PLBD2: variants seen among roughly 807,000 people sequenced by gnomAD.
PLBD2 encodes the protein putative aminopeptidase PLBD2.
In PLBD2, 51 loss-of-function variants were observed where a neutral mutation model predicts 68.3. The ratio of observed to expected loss-of-function variants is 0.75; its 90% CI spans 0.60 to 0.94. The LOEUF is 0.94. PLBD2 is among the 40% of genes least tolerant of loss of function. PLBD2 has a pLI of 0.00. For synonymous variants in PLBD2, 314 were observed against 339.3 expected (o/e 0.93, Z 0.82); for missense variants, 729 against 792.2 (o/e 0.92, Z 0.96).
At position 113,374,462 on chromosome 12, in the gene PLBD2, C is replaced by T. The variant is rs1208404627; in HGVS notation, c.544-12C>T. ...GGCCTCACCCTCCCTCTGCCCCCGC[C>T]CCCTCCCCTAGGTGCGGCTGACCCT... is the stretch of plus-strand genomic sequence containing the variant. On this transcript the variant is annotated splice_polypyrimidine_tract_variant and intron_variant, in intron 3 of 11. Coordinates refer to ENST00000280800, the MANE Select transcript of PLBD2 (RefSeq NM_173542.4). 1.9e-6 allele frequency: 3 copies of T among 1,569,512 alleles called. No homozygotes were observed. In the Admixed American group the frequency reaches 5.5e-5, roughly 29 times the overall value.
In PLBD2 at chr12:113,388,636, C is replaced by T; in HGVS notation, c.*10C>T. 1 of 1,562,608 alleles carries T rather than the reference C, an allele frequency of 6.4e-7. No homozygotes were observed. The highest frequency in any genetic ancestry group is 1.2e-5 in the South Asian group (1 of 85,220). The stretch of plus-strand genomic sequence containing the variant: ...GGTTTCATGGGACTGAAGTTCTGTC[C>T]CTGCTCTGCTGCTTTCGCCCCTGCT... On this transcript the variant is annotated 3_prime_UTR_variant, in exon 12 of 12. Coordinates refer to ENST00000280800, the MANE Select transcript of PLBD2 (RefSeq NM_173542.4).
At chr12:113,376,554 G>T (rs1289156566) in intron 5 of PLBD2, among the ~76,000 whole-genome samples, 1 of 152,356 alleles carries the variant, frequency 6.6e-6, no homozygotes, top group East Asian at 1.9e-4. Flanking sequence ...ATGAGGAACT[G>T]CAGAGTCACA....
At chr12:113,376,164 T>C (rs1280033284) in intron 5 of PLBD2, among the ~76,000 whole-genome samples, 1 of 123,612 alleles carries the variant, frequency 8.1e-6, no homozygotes, top group Non-Finnish European at 1.7e-5. Flanking sequence ...TGACACAGCA[T>C]TTTTTTTTTT....
chr12:113,382,772 T>G (rs763453882), intron 6 of PLBD2, among the ~76,000 whole-genome samples: 2 of 151,760 alleles, frequency 1.3e-5, no homozygotes, highest in Non-Finnish European at 2.9e-5. Context: ...ATCACATTTA[T>G]GGATACAGCT....
chr12:113,382,835 T>TTTGTGTGTGTG (rs1335785271), intron 6 of PLBD2, among the ~76,000 whole-genome samples: 22 of 106,610 alleles, frequency 2.1e-4, no homozygotes, highest in African/African-American at 7.3e-4. Context: ...TGGTGGTTTT[T>TTTGTGTGTGTG]TGTGTGTGTG....
chr12:113,361,063 A>G (rs574962118), intron 1 of PLBD2, among the ~76,000 whole-genome samples: 8 of 152,126 alleles, frequency 5.3e-5, no homozygotes, highest in African/African-American at 1.9e-4. Flanking sequence ...GTCCTCAGAG[A>G]CAGCTGCTTG....
intron 1 of PLBD2, among the ~76,000 whole-genome samples, chr12:113,363,310 C>T (rs1957312258): frequency 6.6e-6 from 1 of 152,022 alleles, no homozygotes; most frequent in Non-Finnish European, 1.5e-5. Flanking sequence ...GTGGTGCGTG[C>T]CTGTAGTTCC....
chr12:113,382,830 G>GTTTTTTTT lies in PLBD2; in HGVS notation c.958-1269_958-1268insTTTTTTTT, dbSNP rs1179441269. Among the ~76,000 whole-genome samples the GTTTTTTTT allele has an allele frequency of 5.8e-4, 73 of 126,054 alleles. 1 individual carries two copies. The highest frequency in any genetic ancestry group is 1.3e-3 in the Admixed American group (16 of 12,088). The allele number at this position is 126,054 out of a possible 152,430, so 82.7% of individuals were successfully genotyped here. A position where few individuals can be genotyped will look rare whatever the true frequency, so the allele number is the denominator to read the frequency against. ...TTTGGTGGGGGTGGTGGTGGTGGTG[G>GTTTTTTTT]TTTTTTGTGTGTGTGTGTGTGTGTG... On this transcript the variant is annotated intron_variant, in intron 6 of 11. Coordinates refer to ENST00000280800, the MANE Select transcript of PLBD2 (RefSeq NM_173542.4).
At chr12:113,363,388 G>A (rs568296655) in intron 1 of PLBD2, among the ~76,000 whole-genome samples, 1 of 152,164 alleles carries the variant, frequency 6.6e-6, no homozygotes, top group South Asian at 2.1e-4. Flanking sequence ...CTGTGATCAC[G>A]CCAGTGCACT....
At chr12:113,381,546 C>G (rs1296142566) in intron 6 of PLBD2, among the ~76,000 whole-genome samples, 2 of 152,148 alleles carry the variant, frequency 1.3e-5, no homozygotes, top group Non-Finnish European at 2.9e-5. Flanking sequence ...GACTCTTCTT[C>G]TTGTCTGATC....
At chr12:113,377,989 C>T (rs1259200786) in intron 5 of PLBD2, among the ~76,000 whole-genome samples, 1 of 152,202 alleles carries the variant, frequency 6.6e-6, no homozygotes, top group Admixed American at 6.5e-5. Context: ...GTTATGTTTT[C>T]TCCTAGACTT....
chr12:113,368,406 T>C (rs911823269), intron 1 of PLBD2, among the ~76,000 whole-genome samples: 1 of 152,182 alleles, frequency 6.6e-6, no homozygotes, highest in Non-Finnish European at 1.5e-5. Flanking sequence ...CCTGGTGTGC[T>C]TGTGTGGCTC....
At chr12:113,368,272 A>G (rs1957358938) in intron 1 of PLBD2, among the ~76,000 whole-genome samples, 1 of 152,180 alleles carries the variant, frequency 6.6e-6, no homozygotes, top group African/African-American at 2.4e-5. Flanking sequence ...TGTATCCGCT[A>G]GTATTGGGCA....
intron 1 of PLBD2, among the ~76,000 whole-genome samples, chr12:113,366,425 C>T (rs894470280): frequency 2.1e-5 from 3 of 141,542 alleles, no homozygotes; most frequent in Non-Finnish European, 3.2e-5. Flanking sequence ...AAAATGAAAA[C>T]GTCTATATGG....
intron 9 of PLBD2, 113 bp downstream of exon 9, chr12:113,385,396 T>C (rs1957541792): frequency 9.8e-7 from 1 of 1,017,278 alleles, no homozygotes. Flanking sequence ...AATCCCAGCC[T>C]ACCCCCTTTT....
In PLBD2 at chr12:113,374,593, G is replaced by A. The variant is rs896807236; in HGVS notation, c.644+19G>A. The stretch of plus-strand genomic sequence containing the variant: ...GGTTCCTGTAAGTGCCACCCCCAGA[G>A]TGAACAGGGTGGGAAGAAGGGCCAC... On this transcript the variant is annotated intron_variant, in intron 4 of 11. Coordinates refer to ENST00000280800, the MANE Select transcript of PLBD2 (RefSeq NM_173542.4). 3.8e-6 allele frequency: 6 copies of A among 1,566,930 alleles called. No individual in the cohort carries two copies. Among genetic ancestry groups the A allele is most frequent in the South Asian group, 1.2e-5 (1 of 86,342 alleles).
At chr12:113,367,748 CA>C (rs563757349) in intron 1 of PLBD2, among the ~76,000 whole-genome samples, 1,149 of 64,246 alleles carry the variant, frequency 0.018, 6 homozygotes, top group Non-Finnish European at 0.027. Flanking sequence ...GATGCTGTCT[CA>C]AAAAAAAAAA....
chr12:113,361,359 A>C (rs566467150), intron 1 of PLBD2, among the ~76,000 whole-genome samples: 2 of 64,370 alleles, frequency 3.1e-5, no homozygotes, highest in South Asian at 1.0e-3. Context: ...TTTTTTTTTG[A>C]GACAGGGTCT....
chr12:113,382,180 A>T (rs76891370), intron 6 of PLBD2, among the ~76,000 whole-genome samples: 4,062 of 152,322 alleles, frequency 0.027, 91 homozygotes, highest in Middle Eastern at 0.092. Flanking sequence ...GAAACCAGTT[A>T]TAGTGAAATA....
Sources: gnomAD v4.1 joint callset for allele counts (sites outside exome capture counted in the v4.1 genomes callset) on GRCh38, gnomAD v4.1.1 for gene constraint, MANE v1.5 for transcripts, NCBI Gene and HGNC (gene_info 2026-07-23, HGNC 2026-07-21) for gene names.